COL19A1: variants seen among roughly 807,000 people sequenced by gnomAD.
COL19A1 encodes collagen alpha-1(XIX) chain.
Under a neutral mutation model 190.2 loss-of-function variants are expected in COL19A1, and 159 were observed. That is an observed-to-expected ratio of 0.84 (90% confidence interval 0.73 to 0.95). The LOEUF (loss-of-function observed/expected upper bound fraction) is 0.95, where lower values mean the gene tolerates loss of function less well. Among genes scored for constraint, COL19A1 ranks in the 40% least tolerant of loss-of-function variants. The probability of loss-of-function intolerance (pLI) is 0.00; values close to 1 mark genes in which losing one functional copy is unlikely to be tolerated. For synonymous variants in COL19A1, 509 were observed against 458.9 expected (o/e 1.11, Z -1.39); for missense variants, 1,418 against 1,431.9 (o/e 0.99, Z 0.16).
At chr6:70,064,298 C>T (rs1164941659) in intron 14 of COL19A1, among the ~76,000 whole-genome samples, 1 of 152,156 alleles carries the variant, frequency 6.6e-6, no homozygotes, top group Non-Finnish European at 1.5e-5. Context: ...TGGGCTTCAT[C>T]CCTGGGATGC....
At chr6:70,114,907 T>A (rs1332226597) in intron 16 of COL19A1, among the ~76,000 whole-genome samples, 2 of 152,248 alleles carry the variant, frequency 1.3e-5, no homozygotes, top group Non-Finnish European at 2.9e-5. Flanking sequence ...CATAACTGTA[T>A]TCTTTTGTAT....
intron 15 of COL19A1, among the ~76,000 whole-genome samples, chr6:70,076,637 A>G (rs1206858371): frequency 1.3e-5 from 2 of 152,182 alleles, no homozygotes; most frequent in African/African-American, 4.8e-5. Flanking sequence ...GACTTCAGCC[A>G]AATCACTCAA....
intron 9 of COL19A1, among the ~76,000 whole-genome samples, chr6:69,958,898 A>G (rs904087371): frequency 6.6e-6 from 1 of 152,172 alleles, no homozygotes; most frequent in African/African-American, 2.4e-5. Context: ...AATTTTGCTT[A>G]AATAATTCAA....
chr6:70,113,776 T>TCTTATC (rs2150202165), intron 16 of COL19A1, among the ~76,000 whole-genome samples: 1 of 151,604 alleles, frequency 6.6e-6, no homozygotes, highest in East Asian at 1.9e-4. Context: ...TGTTCCTCTC[T>TCTTATC]CTTATCCTTA....
chr6:69,884,319 G>A (rs1319701149), intron 2 of COL19A1, among the ~76,000 whole-genome samples: 1 of 147,996 alleles, frequency 6.8e-6, no homozygotes, highest in East Asian at 2.0e-4. Flanking sequence ...CAGCCTGGGC[G>A]ACAGAGCAAG....
intron 48 of COL19A1, among the ~76,000 whole-genome samples, chr6:70,194,749 G>A (rs755312758): frequency 4.7e-4 from 72 of 152,040 alleles, no homozygotes; most frequent in Admixed American, 9.8e-4. Flanking sequence ...CAACATGCAG[G>A]AAGAATTTAC....
chr6:70,122,754 ACTCC>A (rs1187112908), intron 17 of COL19A1, among the ~76,000 whole-genome samples: 1 of 151,922 alleles, frequency 6.6e-6, no homozygotes, highest in Non-Finnish European at 1.5e-5. Flanking sequence ...GACAGCTGTT[ACTCC>A]TCTTTGTTTA....
At chr6:70,144,104 T>A (rs771577639) in intron 23 of COL19A1, 106 bp from the exon 24 acceptor site, 1 of 938,112 alleles carries the variant, frequency 1.1e-6, no homozygotes, top group Admixed American at 2.3e-5. Flanking sequence ...TATTAATAGG[T>A]TATATGTTAA....
At chr6:70,002,876 A>G (rs1383908687) in intron 11 of COL19A1, among the ~76,000 whole-genome samples, 2 of 133,490 alleles carry the variant, frequency 1.5e-5, no homozygotes, top group Non-Finnish European at 3.1e-5. Context: ...TCGTGTCTCT[A>G]TCTCCTTCAA....
chr6:70,034,378 GT>G, intron 13 of COL19A1, 80 bp downstream of exon 13: 1 of 1,002,484 alleles, frequency 1.0e-6, no homozygotes, highest in Non-Finnish European at 1.6e-6. Flanking sequence ...CATTGATACT[GT>G]TTATCTCCTA....
intron 41 of COL19A1, among the ~76,000 whole-genome samples, chr6:70,174,414 G>T (rs1311818112): frequency 6.6e-6 from 1 of 152,132 alleles, no homozygotes; most frequent in Non-Finnish European, 1.5e-5. Flanking sequence ...CCAAAAATTA[G>T]CCAAGCGTGG....
At chr6:69,981,797 G>A (rs1262250759) in intron 11 of COL19A1, among the ~76,000 whole-genome samples, 2 of 152,062 alleles carry the variant, frequency 1.3e-5, no homozygotes, top group Admixed American at 6.6e-5. Flanking sequence ...CATTGCATAT[G>A]TTCCCTTGCC....
chr6:69,956,550 A>T (rs1194858869), intron 9 of COL19A1, among the ~76,000 whole-genome samples: 1 of 152,076 alleles, frequency 6.6e-6, no homozygotes, highest in Non-Finnish European at 1.5e-5. Flanking sequence ...GACTGCCAAC[A>T]GTTTAAGAAC....
At chr6:69,909,440 A>G (rs1017348658) in intron 4 of COL19A1, among the ~76,000 whole-genome samples, 66 of 152,120 alleles carry the variant, frequency 4.3e-4, no homozygotes, top group Non-Finnish European at 8.8e-5. Context: ...AAATATAAAG[A>G]CAAAATCTCT....
At chr6:70,142,968 T>A in intron 23 of COL19A1, 148 bp downstream of exon 23, 1 of 652,976 alleles carries the variant, frequency 1.5e-6, no homozygotes, top group Non-Finnish European at 2.6e-6. Flanking sequence ...TCATACCTAA[T>A]GTCAGGAGCT....
intron 16 of COL19A1, among the ~76,000 whole-genome samples, chr6:70,114,418 G>T (rs1266770946): frequency 1.3e-5 from 2 of 152,298 alleles, no homozygotes; most frequent in African/African-American, 4.8e-5. Flanking sequence ...ATGACCTTGA[G>T]TCAGATATTT....
At chr6:70,157,773 C>G (rs1419842030) in intron 34 of COL19A1, among the ~76,000 whole-genome samples, 1 of 152,060 alleles carries the variant, frequency 6.6e-6, no homozygotes, top group Non-Finnish European at 1.5e-5. Flanking sequence ...AGCACAATAA[C>G]TGATTTTCAT....
intron 41 of COL19A1, among the ~76,000 whole-genome samples, chr6:70,173,792 G>A (rs1765642448): frequency 6.6e-6 from 1 of 152,192 alleles, no homozygotes; most frequent in Non-Finnish European, 1.5e-5. Context: ...GCTGCTAGAG[G>A]AAGTAGGGTC....
At chr6:69,982,937 A>T (rs1776120365) in intron 11 of COL19A1, among the ~76,000 whole-genome samples, 1 of 151,480 alleles carries the variant, frequency 6.6e-6, no homozygotes, top group African/African-American at 2.4e-5. Context: ...TTGCCACTGC[A>T]CCCCAGCCTG....
Sources: gnomAD v4.1 joint callset for allele counts (sites outside exome capture counted in the v4.1 genomes callset) on GRCh38, gnomAD v4.1.1 for gene constraint, MANE v1.5 for transcripts, NCBI Gene and HGNC (gene_info 2026-07-23, HGNC 2026-07-21) for gene names.